ADCY3: variants seen among roughly 807,000 people sequenced by gnomAD.
ADCY3 encodes adenylate cyclase type 3.
Under a neutral mutation model 119.4 loss-of-function variants are expected in ADCY3, and 70 were observed. That is an observed-to-expected ratio of 0.59 (90% confidence interval 0.48 to 0.72). The LOEUF is 0.72. Ranked by LOEUF, ADCY3 falls within the 30% of genes least tolerant of loss-of-function variation. The pLI is 0.00. For synonymous variants in ADCY3, 672 were observed against 621.4 expected (o/e 1.08, Z -1.21); for missense variants, 1,238 against 1,541.6 (o/e 0.80, Z 3.30).
In ADCY3 at chr2:24,823,335, A is replaced by G. The variant is rs760980598; in HGVS notation, c.2757T>C (p.Tyr919=). 1 of 1,613,658 alleles carries G rather than the reference A, an allele frequency of 6.2e-7. No homozygotes were observed. Among genetic ancestry groups the G allele is most frequent in the Admixed American group, 1.7e-5 (1 of 59,942 alleles). ...KRDEELYSQT[Y]DEIGVMFASL... The stretch of plus-strand genomic sequence containing the variant: ...AGGCAAACATGACTCCAATCTCATC[A>G]TACGTCTGGCTATACAGCTCCTAAA... Residue 919 remains tyrosine (Y), a synonymous_variant, in exon 18 of 22, where the codon TAT becomes TAC. Coordinates refer to ENST00000679454, the MANE Select transcript of ADCY3 (RefSeq NM_004036.5).
At chr2:24,837,067 C>A in intron 8 of ADCY3, 22 bp from the exon 9 acceptor site, 1 of 1,612,414 alleles carries the variant, frequency 6.2e-7, no homozygotes, top group South Asian at 1.1e-5. Flanking sequence ...GAGAGCTCAG[C>A]CATGATCTGG....
intron 3 of ADCY3, among the ~76,000 whole-genome samples, chr2:24,851,719 T>A (rs1239668096): frequency 3.3e-5 from 5 of 152,190 alleles, no homozygotes; most frequent in Non-Finnish European, 7.3e-5. Context: ...TAGAAATGGA[T>A]CCTTCTGCTC....
chr2:24,838,341 G>A, intron 8 of ADCY3, 104 bp downstream of exon 8: 1 of 1,212,840 alleles, frequency 8.2e-7, no homozygotes, highest in South Asian at 1.5e-5. Context: ...GCCACTGCTG[G>A]GTCCTGCCAC....
intron 3 of ADCY3, among the ~76,000 whole-genome samples, chr2:24,864,372 C>T (rs1674040459): frequency 6.6e-6 from 1 of 152,130 alleles, no homozygotes; most frequent in Non-Finnish European, 1.5e-5. Flanking sequence ...CTGGCAATTC[C>T]ACTTTTGGGT....
chr2:24,886,778 T>C (rs547076367), intron 2 of ADCY3, among the ~76,000 whole-genome samples: 1 of 152,326 alleles, frequency 6.6e-6, no homozygotes, highest in Non-Finnish European at 1.5e-5. Context: ...CGGATGAGCC[T>C]GCCCTGGGGA....
intron 11 of ADCY3, among the ~76,000 whole-genome samples, chr2:24,833,062 C>T (rs901600687): frequency 6.6e-6 from 1 of 152,232 alleles, no homozygotes; most frequent in Non-Finnish European, 1.5e-5. Context: ...CTATCCTCGG[C>T]CTGGCCTGGC....
In ADCY3 at chr2:24,879,626, G is replaced by C. The variant is rs1047720089; in HGVS notation, c.676-6907C>G. 2.0e-5 allele frequency among the ~76,000 whole-genome samples: 3 copies of C among 152,016 alleles called. 1 individual carries two copies. The highest frequency in any genetic ancestry group is 6.5e-5 in the Admixed American group (1 of 15,272). ...AATCTTCATGTTCATCATTCTATTT[G>C]TTTCTCACAACAAGAGGAGGCAGGG... On this transcript the variant is annotated intron_variant, in intron 2 of 21. Coordinates refer to ENST00000679454, the MANE Select transcript of ADCY3 (RefSeq NM_004036.5).
intron 2 of ADCY3, among the ~76,000 whole-genome samples, chr2:24,894,815 A>G (rs1678075909): frequency 6.6e-6 from 1 of 151,580 alleles, no homozygotes. Flanking sequence ...AATTCTCTCA[A>G]CTTCAGTTTG....
Position 24,856,685 on chromosome 2 carries a change from C to T in ADCY3, c.826-14301G>A, listed in dbSNP as rs186832521. On this transcript the variant is annotated intron_variant, in intron 3 of 21. Transcript: ENST00000679454. ...GCCGCCATTTAGACTAGGGGGCCCA[C>T]GTGTGCTGCCCCTGCCCAAGAGATG... 6.0e-4 allele frequency among the ~76,000 whole-genome samples: 91 copies of T among 152,348 alleles called. 1 individual carries two copies. The highest frequency in any genetic ancestry group is 3.4e-3 in the Middle Eastern group (1 of 294).
intron 16 of ADCY3, chr2:24,825,836 T>C: frequency 1.5e-5 from 8 of 548,544 alleles, no homozygotes; most frequent in South Asian, 4.8e-5. Flanking sequence ...CTGGAGGGGG[T>C]CGGACGGAAG....
intron 7 of ADCY3, 163 bp from the exon 8 acceptor site, chr2:24,838,785 G>T: frequency 6.3e-7 from 1 of 1,594,474 alleles, no homozygotes; most frequent in Non-Finnish European, 8.6e-7. Context: ...CTAACTAGCT[G>T]TGTGGGCCGC....
At position 24,823,326 on chromosome 2, in the gene ADCY3, A is replaced by C. The variant is rs1668059562; in HGVS notation, c.2766T>G (p.Ile922Met). The part of the protein sequence containing the change: ...EELYSQTYDE[I>M]GVMFASLPNF... ...TGGGCAGGGAGGCAAACATGACTCCAATCTCATCATACGTCTGGCTATACA... is the reference window on the plus strand; with the variant it reads ...TGGGCAGGGAGGCAAACATGACTCCCATCTCATCATACGTCTGGCTATACA... The change falls in exon 18 of 22, where the codon ATT becomes ATG. Residue 922 changes from isoleucine (I) to methionine (M), a missense_variant. Ile to Met is a conservative substitution (Grantham distance 10). Transcript: ENST00000679454. 6.2e-7 allele frequency: 1 copy of C among 1,613,726 alleles called. No homozygotes were observed. The highest frequency in any genetic ancestry group is 1.7e-5 in the Admixed American group (1 of 59,968).
chr2:24,825,068 C>T (rs536115002), intron 16 of ADCY3, among the ~76,000 whole-genome samples: 61 of 152,204 alleles, frequency 4.0e-4, no homozygotes, highest in South Asian at 1.0e-3. Context: ...GGAGGCCTTC[C>T]GTGTGTAGGG....
chr2:24,870,413 C>G (rs1674852628), intron 3 of ADCY3, among the ~76,000 whole-genome samples: 1 of 152,030 alleles, frequency 6.6e-6, no homozygotes, highest in Admixed American at 6.5e-5. Flanking sequence ...GCAACGAGCC[C>G]AAGGCCACAC....
intron 2 of ADCY3, among the ~76,000 whole-genome samples, chr2:24,890,254 A>C (rs533729707): frequency 1.8e-4 from 27 of 152,272 alleles, no homozygotes; most frequent in African/African-American, 6.3e-4. Flanking sequence ...TTTTGCTTAC[A>C]TGTGCATGAG....
chr2:24,915,829 C>T (rs1188738957), intron 2 of ADCY3, among the ~76,000 whole-genome samples: 3 of 152,222 alleles, frequency 2.0e-5, no homozygotes, highest in African/African-American at 7.2e-5. Context: ...GCATGAGCCA[C>T]CATGCCCGGC....
At chr2:24,862,494 C>T (rs936715613) in intron 3 of ADCY3, among the ~76,000 whole-genome samples, 10 of 150,640 alleles carry the variant, frequency 6.6e-5, no homozygotes, top group African/African-American at 1.7e-4. Context: ...TGCAGTGAGC[C>T]GAGATCGTGC....
chr2:24,850,712 C>T (rs889345997), intron 3 of ADCY3, among the ~76,000 whole-genome samples: 2 of 152,254 alleles, frequency 1.3e-5, no homozygotes, highest in Non-Finnish European at 2.9e-5. Context: ...TGCAACTTGA[C>T]TTAACCCTTG....
rs541956136 is a variant in ADCY3 at position 24,839,753 on chromosome 2, G to A, written c.1355+120C>T. The A allele has an allele frequency of 3.4e-4, 479 of 1,418,316 alleles. 1 individual carries two copies. The South Asian group carries it at 5.1e-3, about 15-fold the overall frequency. 87.9% of individuals were successfully genotyped at this position (1,418,316 alleles called of 1,614,324 possible). ...GGCGAGACAGGAGGAATGCTGTTCCGGGGTTGTAGGGAGGCCTTCTCTGAG... is the reference window on the plus strand; with the variant it reads ...GGCGAGACAGGAGGAATGCTGTTCCAGGGTTGTAGGGAGGCCTTCTCTGAG... On this transcript the variant is annotated intron_variant, in intron 7 of 21. Coordinates refer to ENST00000679454, the MANE Select transcript of ADCY3 (RefSeq NM_004036.5).
Sources: gnomAD v4.1 joint callset for allele counts (sites outside exome capture counted in the v4.1 genomes callset) on GRCh38, gnomAD v4.1.1 for gene constraint, MANE v1.5 for transcripts, NCBI Gene and HGNC (gene_info 2026-07-23, HGNC 2026-07-21) for gene names.